The following MAST4 variants were observed in gnomAD, a reference collection of about 807,000 sequenced individuals.
MAST4 encodes microtubule associated serine/threonine kinase family member 4, also known as microtubule-associated serine/threonine-protein kinase 4.
MAST4 carries 89 observed loss-of-function variants against 162.7 expected under a neutral mutation model. The ratio of observed to expected loss-of-function variants is 0.55; its 90% CI spans 0.46 to 0.65. MAST4 has a LOEUF of 0.65. Among genes scored for constraint, MAST4 ranks in the 30% least tolerant of loss-of-function variants. The pLI is 0.00. For synonymous variants in MAST4, 1,479 were observed against 1,361.1 expected (o/e 1.09, Z -1.91); for missense variants, 3,153 against 3,374.0 (o/e 0.93, Z 1.62).
rs767639273 is a variant in MAST4 at position 67,164,091 on chromosome 5, C to T, written c.4912C>T (p.Arg1638Trp). 4.3e-5 allele frequency: 67 copies of T among 1,570,294 alleles called. No individual in the cohort carries two copies. The Middle Eastern group carries it at 1.4e-3, about 32-fold the overall frequency. ...CCGCCAGGGTGGCGGGGACTTCAGA[C>T]GGGCCCCCGCTCCTGGCACCCTCCA... ...EHRQGGGDFR[R>W]APAPGTLQDG... Residue 1638 changes from arginine to tryptophan, a missense_variant, in exon 29 of 29, where the codon CGG becomes TGG. Arg to Trp is a moderately radical substitution (Grantham distance 101). This residue lies in a region of MAST4 where 1,644 missense variants were observed against 1,495.0 expected (regional missense o/e 1.10). Coordinates refer to ENST00000403625, the MANE Select transcript of MAST4 (RefSeq NM_001164664.2). This position sits in a 1 kb window ranked among gnomAD's most constrained non-coding sequence, Gnocchi z 5.3.
chr5:66,872,936 C>T (rs927540253), intron 3 of MAST4, among the ~76,000 whole-genome samples: 1 of 152,180 alleles, frequency 6.6e-6, no homozygotes, highest in Non-Finnish European at 1.5e-5. Flanking sequence ...TCTGTCTTGG[C>T]ATTTGCAGAA....
chr5:66,986,366 A>G, intron 4 of MAST4: 1 of 1,003,546 alleles, frequency 1.0e-6, no homozygotes, highest in South Asian at 1.5e-5. Context: ...ACACAGAGAA[A>G]TACTTGCTCT....
In MAST4 at chr5:66,899,945, T is replaced by G; in HGVS notation, c.643-6T>G. 2.6e-6 allele frequency: 4 copies of G among 1,514,876 alleles called. No individual in the cohort carries two copies. Among genetic ancestry groups the G allele is most frequent in the Admixed American group, 4.7e-5 (2 of 42,924 alleles). The allele number at this position is 1,514,876 out of a possible 1,614,324, so 93.8% of individuals were successfully genotyped here. A position where few individuals can be genotyped will look rare whatever the true frequency, so the allele number is the denominator to read the frequency against. ...TGCTTATATATGGTTTTTTTTTCTT[T>G]TGCAGAAGGAGCTGAGTCTCCCCAG... On this transcript the variant is annotated splice_polypyrimidine_tract_variant and splice_region_variant and intron_variant, in intron 3 of 28. Transcript: ENST00000403625.
intron 14 of MAST4, among the ~76,000 whole-genome samples, chr5:67,125,999 G>C (rs1224300464): frequency 3.9e-5 from 6 of 152,140 alleles, no homozygotes; most frequent in Admixed American, 1.3e-4. Context: ...GTCCAGTGAT[G>C]ATGAGCTTTT....
intron 5 of MAST4, among the ~76,000 whole-genome samples, chr5:67,061,469 C>G (rs1263320301): frequency 6.6e-6 from 1 of 150,424 alleles, no homozygotes; most frequent in Non-Finnish European, 1.5e-5. Context: ...ATAATCTCAC[C>G]AGTATCCTTT....
chr5:66,740,934 C>A (rs540336671), intron 1 of MAST4, among the ~76,000 whole-genome samples: 2 of 152,242 alleles, frequency 1.3e-5, no homozygotes, highest in Admixed American at 6.5e-5. Context: ...GATGATAATA[C>A]CACATCAGAG....
intron 23 of MAST4, among the ~76,000 whole-genome samples, 152 bp downstream of exon 23, chr5:67,145,531 G>A (rs911882041): frequency 4.6e-5 from 7 of 152,170 alleles, no homozygotes; most frequent in African/African-American, 9.7e-5. Context: ...CTTGGGACAC[G>A]ATCTTCTGAG....
intron 5 of MAST4, among the ~76,000 whole-genome samples, chr5:67,089,138 C>T (rs570625726): frequency 3.7e-4 from 56 of 152,286 alleles, no homozygotes; most frequent in African/African-American, 1.3e-3. Context: ...ATTTATTTTT[C>T]CTTTTTCCTT....
intron 1 of MAST4, among the ~76,000 whole-genome samples, chr5:66,653,640 TCTC>T (rs1266208798): frequency 2.6e-5 from 4 of 152,152 alleles, no homozygotes; most frequent in Non-Finnish European, 4.4e-5. Context: ...GTGATTCACA[TCTC>T]CTCCTTGGCA....
chr5:67,004,694 A>G (rs1361588993), intron 4 of MAST4: 8 of 308,558 alleles, frequency 2.6e-5, no homozygotes, highest in South Asian at 2.1e-4. Flanking sequence ...CAACTCATGT[A>G]ATTACTGTTT....
chr5:67,037,491 A>G (rs186238587), intron 4 of MAST4, among the ~76,000 whole-genome samples: 1 of 152,170 alleles, frequency 6.6e-6, no homozygotes, highest in Non-Finnish European at 1.5e-5. Context: ...CATTTGGAGG[A>G]CAGAAGAAGC....
intron 3 of MAST4, among the ~76,000 whole-genome samples, chr5:66,816,085 A>G (rs1198341034): frequency 6.6e-6 from 1 of 152,244 alleles, no homozygotes; most frequent in Non-Finnish European, 1.5e-5. Flanking sequence ...CATTCCATGC[A>G]AATGCTAGTC....
At chr5:66,864,523 C>A (rs1017916600) in intron 3 of MAST4, among the ~76,000 whole-genome samples, 4 of 152,060 alleles carry the variant, frequency 2.6e-5, no homozygotes, top group Admixed American at 6.6e-5. Flanking sequence ...CTTATGAGGG[C>A]ATCTTTGCAT....
intron 1 of MAST4, among the ~76,000 whole-genome samples, chr5:66,632,993 T>C (rs1460323765): frequency 1.3e-5 from 2 of 152,184 alleles, no homozygotes; most frequent in African/African-American, 4.8e-5. Flanking sequence ...TAATTTATGT[T>C]AATTTTCTGG....
intron 5 of MAST4, 55 bp downstream of exon 5, chr5:67,054,547 TA>T (rs1758577064): frequency 7.0e-7 from 1 of 1,428,374 alleles, no homozygotes; most frequent in African/African-American, 1.4e-5. Flanking sequence ...GTTGGTTTTT[TA>T]AAATAATTAA....
chr5:66,922,548 G>A (rs1764608442), intron 4 of MAST4, among the ~76,000 whole-genome samples: 1 of 152,096 alleles, frequency 6.6e-6, no homozygotes, highest in Non-Finnish European at 1.5e-5. Context: ...GTTTTCTGCT[G>A]TCATTTCTGC....
intron 4 of MAST4, among the ~76,000 whole-genome samples, chr5:66,913,743 T>A (rs35657523): frequency 0.033 from 5,001 of 152,330 alleles, 151 homozygotes; most frequent in African/African-American, 0.076. Context: ...TCTCATATGT[T>A]TTCTTCCAGA....
chr5:67,076,472 T>C (rs1324229065), intron 5 of MAST4, among the ~76,000 whole-genome samples: 2 of 152,184 alleles, frequency 1.3e-5, no homozygotes, highest in Admixed American at 1.3e-4. Context: ...ATAACAAATT[T>C]ATTTTCTCCA....
intron 4 of MAST4, among the ~76,000 whole-genome samples, chr5:67,013,537 G>A (rs1752932052): frequency 6.6e-6 from 1 of 152,144 alleles, no homozygotes; most frequent in Admixed American, 6.6e-5. Context: ...ATGTTACAGT[G>A]TATGTTTATG....
Sources: gnomAD v4.1 joint callset for allele counts (sites outside exome capture counted in the v4.1 genomes callset) on GRCh38, gnomAD v4.1.1 for gene constraint, gnomAD v4.1.1 regional missense constraint, Gnocchi (gnomAD v3.1) non-coding constraint, MANE v1.5 for transcripts, NCBI Gene and HGNC (gene_info 2026-07-23, HGNC 2026-07-21) for gene names.